The following DCLK2 variants were observed in gnomAD, a reference collection of about 807,000 sequenced individuals.
DCLK2 encodes doublecortin like kinase 2, also known as serine/threonine-protein kinase DCLK2.
Under a neutral mutation model 78.4 loss-of-function variants are expected in DCLK2, and 31 were observed. The observed-to-expected ratio is 0.40, with a 90% CI of 0.30 to 0.53. The LOEUF is 0.53. DCLK2 is among the 20% of genes least tolerant of loss of function. The pLI is 0.61. For missense variants in DCLK2, 872 were observed against 973.7 expected, an observed-to-expected ratio of 0.90 and a Z score of 1.39; for synonymous variants, 407 against 374.9, an observed-to-expected ratio of 1.09 and a Z score of -0.99.
At chr4:150,162,355 G>A (rs1358980154) in intron 2 of DCLK2, among the ~76,000 whole-genome samples, 2 of 152,070 alleles carry the variant, frequency 1.3e-5, no homozygotes, top group East Asian at 3.9e-4. Context: ...ATACATTAAA[G>A]TTGAGTTATT....
intron 10 of DCLK2, 82 bp downstream of exon 10, chr4:150,232,910 G>C: frequency 6.6e-7 from 1 of 1,506,968 alleles, no homozygotes. Flanking sequence ...GCATTTTATA[G>C]TCTATACCAA....
chr4:150,253,619 T>C (rs1744345945), intron 15 of DCLK2: 1 of 1,281,864 alleles, frequency 7.8e-7, no homozygotes, highest in South Asian at 1.2e-5. Context: ...GCCTGCATGC[T>C]TGTCTCAGTT....
chr4:150,208,329 A>C (rs1339870316), intron 5 of DCLK2, among the ~76,000 whole-genome samples: 1 of 152,230 alleles, frequency 6.6e-6, no homozygotes, highest in Non-Finnish European at 1.5e-5. Context: ...TAAAACCATA[A>C]AGTGTAAAAA....
At chr4:150,162,231 T>C (rs866430562) in intron 2 of DCLK2, among the ~76,000 whole-genome samples, 1 of 151,958 alleles carries the variant, frequency 6.6e-6, no homozygotes, top group South Asian at 2.1e-4. Flanking sequence ...GGGATCTTGC[T>C]ATGTTGCCCA....
chr4:150,192,155 C>G (rs1738500189), intron 2 of DCLK2, among the ~76,000 whole-genome samples: 1 of 152,018 alleles, frequency 6.6e-6, no homozygotes, highest in South Asian at 2.1e-4. Context: ...GAAACTAATA[C>G]AGTATGGAAG....
chr4:150,225,410 C>T (rs1741529140), intron 8 of DCLK2, among the ~76,000 whole-genome samples: 1 of 152,154 alleles, frequency 6.6e-6, no homozygotes, highest in South Asian at 2.1e-4. Flanking sequence ...GTTACTGATA[C>T]TTTAACTATG....
At chr4:150,206,467 T>C (rs1368094620) in intron 5 of DCLK2, among the ~76,000 whole-genome samples, 2 of 152,152 alleles carry the variant, frequency 1.3e-5, no homozygotes, top group African/African-American at 4.8e-5. Flanking sequence ...AACAGTTGTC[T>C]TTCCAGGACC....
chr4:150,106,769 G>T (rs1319019973), intron 2 of DCLK2, among the ~76,000 whole-genome samples: 1 of 152,192 alleles, frequency 6.6e-6, no homozygotes, highest in Non-Finnish European at 1.5e-5. Flanking sequence ...CATTTATGGG[G>T]CTAAAACAGT....
chr4:150,156,483 A>AAAAT (rs545633598), intron 2 of DCLK2, among the ~76,000 whole-genome samples: 21,167 of 143,074 alleles, frequency 0.15, 1,924 homozygotes, highest in African/African-American at 0.23. Flanking sequence ...CGTCTCTACC[A>AAAAT]AAATAAATAA....
chr4:150,216,851 C>T (rs985638484), intron 5 of DCLK2, among the ~76,000 whole-genome samples: 38 of 152,066 alleles, frequency 2.5e-4, no homozygotes, highest in South Asian at 4.1e-4. Context: ...ATATATCCCC[C>T]GCCCCCTTGC....
intron 5 of DCLK2, among the ~76,000 whole-genome samples, chr4:150,209,357 A>C (rs1740120252): frequency 6.6e-6 from 1 of 152,244 alleles, no homozygotes; most frequent in Non-Finnish European, 1.5e-5. Context: ...TGCCTCCCAC[A>C]GCCAGGAACA....
In DCLK2 at chr4:150,247,681, C is replaced by A. The variant is rs1254032450; in HGVS notation, c.1857C>A (p.Asn619Lys). The change falls in exon 13 of 16, where the codon AAC (asparagine) becomes AAA (lysine). Residue 619 changes from asparagine to lysine, a missense_variant. Transcript: ENST00000296550. ...KLEFPAPYWD[N>K]ITDSAKELIS... ...AGTTTCCGGCCCCCTACTGGGATAA[C>A]ATCACGGACTCTGCCAAGGTACCCT... is the stretch of plus-strand genomic sequence containing the variant. 2 of 1,613,926 alleles carry A rather than the reference C, an allele frequency of 1.2e-6. No individual in the cohort carries two copies. The highest frequency in any genetic ancestry group is 2.7e-5 in the African/African-American group (2 of 74,938).
chr4:150,144,062 T>C (rs1453715389), intron 2 of DCLK2, among the ~76,000 whole-genome samples: 1 of 152,192 alleles, frequency 6.6e-6, no homozygotes, highest in Non-Finnish European at 1.5e-5. Context: ...CACATTTGTC[T>C]ATTTTAATTT....
rs1743180049 is a variant in DCLK2, at chr4:150,244,766, G to A, written c.1779-2837G>A. On this transcript the variant is annotated intron_variant, in intron 12 of 15. Transcript: ENST00000296550. ...TGCGGGGCAGGCCCCAACTGTCAAA[G>A]CTCTTGCAACTTACAGTGGATACTT... 3.3e-5 allele frequency among the ~76,000 whole-genome samples: 5 copies of A among 152,206 alleles called. No homozygotes were observed. In the South Asian group the frequency reaches 1.0e-3, roughly 32 times the overall value.
intron 5 of DCLK2, among the ~76,000 whole-genome samples, chr4:150,219,201 CTT>C (rs1364304580): frequency 7.2e-6 from 1 of 139,476 alleles, no homozygotes; most frequent in Non-Finnish European, 1.5e-5. Context: ...GAGACCCTGT[CTT>C]TTATTTAGCA....
intron 10 of DCLK2, among the ~76,000 whole-genome samples, chr4:150,235,304 T>TCA (rs1742410569): frequency 6.6e-6 from 1 of 152,230 alleles, no homozygotes; most frequent in Non-Finnish European, 1.5e-5. Context: ...CCTCCTTTTT[T>TCA]CTTGTCACAC....
intron 1 of DCLK2, among the ~76,000 whole-genome samples, chr4:150,079,860 G>A (rs1729120293): frequency 6.6e-6 from 1 of 152,098 alleles, no homozygotes; most frequent in South Asian, 2.1e-4. Context: ...TCCAGTATTC[G>A]GGGTCCTGTT....
chr4:150,238,404 G>A (rs1418343925), intron 10 of DCLK2, among the ~76,000 whole-genome samples: 2 of 151,984 alleles, frequency 1.3e-5, no homozygotes, highest in East Asian at 1.9e-4. Context: ...TATATATAAC[G>A]TTTGGGTCCA....
chr4:150,134,408 T>G (rs1201814972), intron 2 of DCLK2, among the ~76,000 whole-genome samples: 2 of 152,082 alleles, frequency 1.3e-5, no homozygotes, highest in East Asian at 3.9e-4. Context: ...TCTTAAAATG[T>G]TATGGTAGGG....
Sources: gnomAD v4.1 joint callset for allele counts (sites outside exome capture counted in the v4.1 genomes callset) on GRCh38, gnomAD v4.1.1 for gene constraint, MANE v1.5 for transcripts, NCBI Gene and HGNC (gene_info 2026-07-23, HGNC 2026-07-21) for gene names.